Variants in TCF7L1 observed in about 807,000 individuals in gnomAD.
The protein encoded by TCF7L1 is transcription factor 7 like 1.
Under a neutral mutation model 63.7 loss-of-function variants are expected in TCF7L1, and 18 were observed. That is an observed-to-expected ratio of 0.28 (90% confidence interval 0.20 to 0.42). TCF7L1 has a LOEUF of 0.42. Among genes scored for constraint, TCF7L1 ranks in the 10% least tolerant of loss-of-function variants. The pLI is 1.00. For synonymous variants in TCF7L1, 355 were observed against 340.9 expected (o/e 1.04, Z -0.46); for missense variants, 654 against 779.3 (o/e 0.84, Z 1.91).
chr2:85,307,170 T>TCGTAA (rs2104391401), intron 10 of TCF7L1, among the ~76,000 whole-genome samples: 1 of 102,974 alleles, frequency 9.7e-6, no homozygotes, highest in South Asian at 3.9e-4. Flanking sequence ...CTCCAGCCAC[T>TCGTAA]CCTAACCCAG....
intron 3 of TCF7L1, among the ~76,000 whole-genome samples, chr2:85,260,447 G>A (rs984444467): frequency 6.6e-6 from 1 of 151,938 alleles, no homozygotes; most frequent in East Asian, 1.9e-4. Context: ...GACCAGCCTG[G>A]GCAACATAGT....
At position 85,141,643 on chromosome 2, in the gene TCF7L1, G is replaced by GT. The variant is rs560649313; in HGVS notation, c.441+7196dup. Among the ~76,000 whole-genome samples, 137 of 152,362 alleles carry GT rather than the reference G, an allele frequency of 9.0e-4. 2 individuals are homozygous for GT. The South Asian group carries it at 9.3e-3, about 10-fold the overall frequency. ...ATTTGGGATGCTGGAGTGGGAGCCT[G>GT]TTTGTAGGAGCCATAGGGCAGGCTT... On this transcript the variant is annotated intron_variant, in intron 3 of 11. Transcript: ENST00000282111.
chr2:85,280,931 G>C (rs916938318), intron 3 of TCF7L1, among the ~76,000 whole-genome samples: 1 of 152,090 alleles, frequency 6.6e-6, no homozygotes, highest in Admixed American at 6.5e-5. Flanking sequence ...CAAGGTGTGG[G>C]ATTTGAAGTC....
rs1278683090 is a variant in TCF7L1 at position 85,306,393 on chromosome 2, A to G, written c.1149+28A>G. ...AAGACCTGCCCTCTCCCTCCAGGCC[A>G]GGGAGGCAGCGTCCCTGCATTGATG... On this transcript the variant is annotated intron_variant, in intron 9 of 11. Transcript: ENST00000282111. This position sits in a 1 kb window ranked among gnomAD's most constrained non-coding sequence, Gnocchi z 4.3. 17 of 1,612,922 alleles carry G rather than the reference A, an allele frequency of 1.1e-5. No individual in the cohort carries two copies. The highest frequency in any genetic ancestry group is 1.4e-5 in the Non-Finnish European group (16 of 1,179,060).
intron 3 of TCF7L1, among the ~76,000 whole-genome samples, chr2:85,239,794 A>G (rs1282567194): frequency 6.6e-6 from 1 of 151,806 alleles, no homozygotes; most frequent in Non-Finnish European, 1.5e-5. Flanking sequence ...AATACAAAAA[A>G]TTTAGCCGGG....
At chr2:85,221,587 C>T (rs563255490) in intron 3 of TCF7L1, among the ~76,000 whole-genome samples, 16 of 152,238 alleles carry the variant, frequency 1.1e-4, no homozygotes, top group South Asian at 2.1e-4. Context: ...GTGCACAAGA[C>T]GGCAGAATGG....
At chr2:85,207,004 A>T (rs1264776868) in intron 3 of TCF7L1, among the ~76,000 whole-genome samples, 1 of 152,174 alleles carries the variant, frequency 6.6e-6, no homozygotes, top group Admixed American at 6.5e-5. Flanking sequence ...CTGTCACCCA[A>T]AATGTGTTAG....
intron 11 of TCF7L1, among the ~76,000 whole-genome samples, chr2:85,308,661 C>T (rs1682200554): frequency 6.6e-6 from 1 of 151,882 alleles, no homozygotes; most frequent in African/African-American, 2.4e-5. Flanking sequence ...CTGTCTGGCA[C>T]GCTGTTCAGC....
rs1158032306 is a variant in TCF7L1 at position 85,133,740 on chromosome 2, G to T, written c.56G>T (p.Gly19Val). Reference protein sequence around the residue: ...GGGGGGSGGGGGSSAGAAGGG... With the variant: ...GGGGGGSGGGVGSSAGAAGGG... ...GGCGGCGGCGGCAGCGGGGGAGGCG[G>T]CGGCTCCAGCGCCGGGGCGGCCGGC... Residue 19 changes from glycine to valine, a missense_variant, in exon 1 of 12, where the codon GGC becomes GTC. By Grantham distance (109) the Gly-to-Val change is moderately radical. This residue lies in a region of TCF7L1 where 404 missense variants were observed against 454.8 expected (regional missense o/e 0.89). Coordinates refer to ENST00000282111, the MANE Select transcript of TCF7L1 (RefSeq NM_031283.3). This position sits in a 1 kb window ranked among gnomAD's most constrained non-coding sequence, Gnocchi z 4.4. 1 of 1,223,224 alleles carries T rather than the reference G, an allele frequency of 8.2e-7. No homozygotes were observed. Among genetic ancestry groups the T allele is most frequent in the Non-Finnish European group, 1.0e-6 (1 of 982,962 alleles). The allele number at this position is 1,223,224 out of a possible 1,614,324, so 75.8% of individuals were successfully genotyped here.
intron 3 of TCF7L1, among the ~76,000 whole-genome samples, chr2:85,203,036 CA>C (rs895870503): frequency 6.6e-6 from 1 of 152,116 alleles, no homozygotes; most frequent in African/African-American, 2.4e-5. Flanking sequence ...GGGGTTTCAC[CA>C]TGTTAGCCAG....
intron 3 of TCF7L1, among the ~76,000 whole-genome samples, chr2:85,145,048 A>G (rs1299326116): frequency 6.6e-6 from 1 of 151,722 alleles, no homozygotes; most frequent in Non-Finnish European, 1.5e-5. Context: ...CTGGGCAAAA[A>G]AGCGAGACTT....
At chr2:85,288,853 C>T (rs1445528629) in intron 4 of TCF7L1, among the ~76,000 whole-genome samples, 3 of 152,170 alleles carry the variant, frequency 2.0e-5, no homozygotes. Context: ...GCCTGTCTTC[C>T]CTCCAGTGTC....
rs79659303 is a variant in TCF7L1, at chr2:85,218,762, T to C, written c.442-64733T>C. 9.1e-3 allele frequency among the ~76,000 whole-genome samples: 1,390 copies of C among 152,268 alleles called. 15 individuals carry two copies. The highest frequency in any genetic ancestry group is 0.032 in the African/African-American group (1,341 of 41,552). ...GATAAAAGAACACTGCTTGATTATA[T>C]AGTGCAGTCATCTGCAGATTAAGTG... On this transcript the variant is annotated intron_variant, in intron 3 of 11. Transcript: ENST00000282111.
chr2:85,252,525 C>T (rs1482897002), intron 3 of TCF7L1, among the ~76,000 whole-genome samples: 7 of 152,192 alleles, frequency 4.6e-5, no homozygotes, highest in Non-Finnish European at 2.9e-5. Flanking sequence ...GAGATCCCTT[C>T]CCTGGGAGTT....
At chr2:85,166,640 G>A (rs981659704) in intron 3 of TCF7L1, among the ~76,000 whole-genome samples, 2 of 152,180 alleles carry the variant, frequency 1.3e-5, no homozygotes, top group African/African-American at 4.8e-5. Context: ...TGCTGGGCAT[G>A]GCTTCCTACA....
At chr2:85,166,172 G>C (rs1026398994) in intron 3 of TCF7L1, among the ~76,000 whole-genome samples, 1 of 152,222 alleles carries the variant, frequency 6.6e-6, no homozygotes. Context: ...CTTGGGGCTG[G>C]AGGTAGAGAT....
At chr2:85,194,733 G>C (rs1572986476) in intron 3 of TCF7L1, among the ~76,000 whole-genome samples, 1 of 152,200 alleles carries the variant, frequency 6.6e-6, no homozygotes, top group African/African-American at 2.4e-5. Flanking sequence ...TCCAGGAGTG[G>C]GTTCTCACAG....
chr2:85,173,565 A>G (rs1362756148), intron 3 of TCF7L1, among the ~76,000 whole-genome samples: 1 of 152,206 alleles, frequency 6.6e-6, no homozygotes, highest in Non-Finnish European at 1.5e-5. Flanking sequence ...AATCGCAAAT[A>G]CATTTATGCC....
At chr2:85,141,778 C>T (rs1677745480) in intron 3 of TCF7L1, among the ~76,000 whole-genome samples, 1 of 152,114 alleles carries the variant, frequency 6.6e-6, no homozygotes, top group Non-Finnish European at 1.5e-5. Flanking sequence ...TAGGTGTCCC[C>T]CCAGCTTTAA....
Sources: gnomAD v4.1 joint callset for allele counts (sites outside exome capture counted in the v4.1 genomes callset) on GRCh38, gnomAD v4.1.1 for gene constraint, gnomAD v4.1.1 regional missense constraint, Gnocchi (gnomAD v3.1) non-coding constraint, MANE v1.5 for transcripts, NCBI Gene and HGNC (gene_info 2026-07-23, HGNC 2026-07-21) for gene names.